The following SND1 variants were observed in gnomAD, a reference collection of about 807,000 sequenced individuals.
The protein encoded by SND1 is staphylococcal nuclease domain-containing protein 1.
SND1 carries 38 observed loss-of-function variants against 121.7 expected under a neutral mutation model. The ratio of observed to expected loss-of-function variants is 0.31; its 90% CI spans 0.24 to 0.41. SND1 has a LOEUF of 0.41. SND1 is among the 10% of genes least tolerant of loss of function. The pLI is 1.00. For missense variants in SND1, 868 were observed against 1,184.6 expected (o/e 0.73, Z 3.92); for synonymous variants, 401 against 447.4 (o/e 0.90, Z 1.31).
rs550676379 is a variant in SND1 at position 127,704,808 on chromosome 7, G to A, written c.841-31G>A. ...ATTCTTTTACAACAGAGTCTAATCC[G>A]TGCCTGCCTCTCATGTACCTTGTTT... is the stretch of plus-strand genomic sequence containing the variant. On this transcript the variant is annotated intron_variant, in intron 7 of 23. Coordinates refer to ENST00000354725, the MANE Select transcript of SND1 (RefSeq NM_014390.4). 9.2e-5 allele frequency: 143 copies of A among 1,547,092 alleles called. No individual in the cohort carries two copies. The East Asian group carries it at 1.8e-3, about 19-fold the overall frequency.
In SND1 at chr7:127,788,960, A is replaced by G. The variant is rs185929732; in HGVS notation, c.1153-18524A>G. Among the ~76,000 whole-genome samples the G allele has an allele frequency of 6.2e-4, 95 of 152,254 alleles. 2 individuals are homozygous for G. The highest frequency in any genetic ancestry group is 1.0e-3 in the Admixed American group (16 of 15,290). On this transcript the variant is annotated intron_variant, in intron 10 of 23. Coordinates refer to ENST00000354725, the MANE Select transcript of SND1 (RefSeq NM_014390.4). ...TCTGTTCTTATAGTACCTTGTATAT[A>G]TTTCCTCATCCTGCAAGGTTTTGGT...
At chr7:127,698,809 T>C in intron 3 of SND1, 66 bp from the exon 4 acceptor site, 3 of 1,293,736 alleles carry the variant, frequency 2.3e-6, no homozygotes, top group Non-Finnish European at 3.4e-6. Context: ...GTGGTCCCAT[T>C]TGGGCTCTGT....
chr7:128,075,930 G>A (rs1222744678), intron 17 of SND1, among the ~76,000 whole-genome samples: 1 of 152,238 alleles, frequency 6.6e-6, no homozygotes, highest in Non-Finnish European at 1.5e-5. Flanking sequence ...CATGTCCTCT[G>A]CCTGCTGCAG....
chr7:128,040,967 T>C (rs1792844518), intron 16 of SND1, among the ~76,000 whole-genome samples: 1 of 152,252 alleles, frequency 6.6e-6, no homozygotes, highest in African/African-American at 2.4e-5. Context: ...CACTCAGTAC[T>C]GGCCTAGTAA....
chr7:127,757,194 G>A (rs191090507), intron 10 of SND1, among the ~76,000 whole-genome samples: 2 of 152,094 alleles, frequency 1.3e-5, no homozygotes, highest in African/African-American at 2.4e-5. Context: ...ACAGTAGGCA[G>A]CCTTTAATAT....
At chr7:127,929,426 C>T in intron 15 of SND1, 97 bp downstream of exon 15, 2 of 1,219,672 alleles carry the variant, frequency 1.6e-6, no homozygotes, top group Non-Finnish European at 2.4e-6. Context: ...GGCCCTAGAG[C>T]CCACCAGCAT....
chr7:127,995,053 A>G (rs1430119448), intron 16 of SND1, among the ~76,000 whole-genome samples: 1 of 152,174 alleles, frequency 6.6e-6, no homozygotes, highest in South Asian at 2.1e-4. Flanking sequence ...TGTATTGTCT[A>G]TAACTGCTTT....
intron 18 of SND1, among the ~76,000 whole-genome samples, chr7:128,084,257 G>C (rs969634563): frequency 1.3e-5 from 2 of 152,234 alleles, no homozygotes; most frequent in African/African-American, 4.8e-5. Flanking sequence ...CTGAAAGACA[G>C]TAGACAGTGG....
At chr7:127,869,426 T>G (rs1799537620) in intron 12 of SND1, among the ~76,000 whole-genome samples, 1 of 152,196 alleles carries the variant, frequency 6.6e-6, no homozygotes. Context: ...TGACAAGTTT[T>G]GTCTACTTTG....
intron 15 of SND1, among the ~76,000 whole-genome samples, chr7:127,954,590 T>C (rs1449043322): frequency 6.6e-6 from 1 of 152,170 alleles, no homozygotes; most frequent in Non-Finnish European, 1.5e-5. Flanking sequence ...CCAAGAGCTT[T>C]GTGTTTGTGT....
rs74330692 is a variant in SND1 at position 128,028,955 on chromosome 7, G to A, written c.1779+37899G>A. The A allele has an allele frequency of 3.0e-3, 4,841 of 1,608,504 alleles. 108 individuals carry two copies. The African/African-American group carries it at 0.051, about 17-fold the overall frequency. On this transcript the variant is annotated intron_variant, in intron 16 of 23. Coordinates refer to ENST00000354725, the MANE Select transcript of SND1 (RefSeq NM_014390.4). The stretch of plus-strand genomic sequence containing the variant: ...CCTGGATTATCTCAACAGTCCGGGC[G>A]GCTGTGACTGTACTCCGCTGCTGGT...
chr7:127,814,522 T>A (rs560996380), intron 11 of SND1, among the ~76,000 whole-genome samples: 74 of 152,178 alleles, frequency 4.9e-4, no homozygotes, highest in Non-Finnish European at 9.3e-4. Context: ...AAAGGAAACC[T>A]GACTATTGCT....
intron 18 of SND1, 87 bp from the exon 19 acceptor site, chr7:128,084,637 T>A: frequency 7.0e-7 from 1 of 1,420,700 alleles, no homozygotes; most frequent in Non-Finnish European, 9.4e-7. Context: ...TACATTGAGC[T>A]CCCTCCCCAA....
chr7:127,741,880 T>G (rs1188822292), intron 10 of SND1, among the ~76,000 whole-genome samples: 2 of 152,210 alleles, frequency 1.3e-5, no homozygotes, highest in East Asian at 3.8e-4. Context: ...AAGGGTTTCC[T>G]TGTTATTAAA....
At chr7:127,729,707 TG>T (rs917160604) in intron 10 of SND1, among the ~76,000 whole-genome samples, 5 of 152,176 alleles carry the variant, frequency 3.3e-5, no homozygotes, top group Admixed American at 2.6e-4. Context: ...GACAAGTATG[TG>T]TGTGTGTTGT....
rs766831077 is a variant in SND1 at position 128,092,054 on chromosome 7, G to T, written c.2729G>T (p.Arg910Leu). ...ADDADEFGYS[R>L] is the part of the protein sequence containing the mutation. The stretch of plus-strand genomic sequence containing the variant: ...GATGCAGACGAATTTGGCTACAGCC[G>T]CTAAGGAGGGGATCGGGTTTGGCCC... Residue 910 changes from arginine to leucine, a missense_variant, in exon 24 of 24, where the codon CGC (arginine) becomes CTC (leucine). Arg to Leu is a moderately radical substitution (Grantham distance 102). Coordinates refer to ENST00000354725, the MANE Select transcript of SND1 (RefSeq NM_014390.4). The surrounding 1 kb of genome is among the most constrained non-coding windows in gnomAD (Gnocchi z 4.9). 5.6e-6 allele frequency: 9 copies of T among 1,614,042 alleles called. No individual in the cohort carries two copies. In the East Asian group the frequency reaches 6.7e-5, roughly 12 times the overall value.
chr7:127,847,274 AAAAC>A (rs768981073), intron 12 of SND1, among the ~76,000 whole-genome samples: 22 of 152,298 alleles, frequency 1.4e-4, no homozygotes, highest in East Asian at 7.7e-4. Flanking sequence ...TTTGTCTCAA[AAAAC>A]AAACAAACAA....
intron 4 of SND1, among the ~76,000 whole-genome samples, chr7:127,699,843 A>G (rs1251623627): frequency 6.6e-6 from 1 of 152,212 alleles, no homozygotes; most frequent in African/African-American, 2.4e-5. Flanking sequence ...AAACATTTGC[A>G]TGAGGTATAC....
chr7:127,768,140 A>G (rs1363317563), intron 10 of SND1, among the ~76,000 whole-genome samples: 1 of 152,136 alleles, frequency 6.6e-6, no homozygotes, highest in Non-Finnish European at 1.5e-5. Flanking sequence ...TGCCATGGTT[A>G]TCTCTCACCA....
Sources: gnomAD v4.1 joint callset for allele counts (sites outside exome capture counted in the v4.1 genomes callset) on GRCh38, gnomAD v4.1.1 for gene constraint, Gnocchi (gnomAD v3.1) non-coding constraint, MANE v1.5 for transcripts, NCBI Gene and HGNC (gene_info 2026-07-23, HGNC 2026-07-21) for gene names.